The following RNF169 variants were observed in gnomAD, a reference collection of about 807,000 sequenced individuals.
RNF169 encodes E3 ubiquitin-protein ligase RNF169.
In RNF169, 24 loss-of-function variants were observed where a neutral mutation model predicts 53.9. The observed-to-expected ratio is 0.45, with a 90% CI of 0.32 to 0.63. The LOEUF (loss-of-function observed/expected upper bound fraction) is 0.63. Among genes scored for constraint, RNF169 ranks in the 20% least tolerant of loss-of-function variants. The pLI, the probability that RNF169 is intolerant of heterozygous loss-of-function variation, is 0.04. For missense variants in RNF169, 883 were observed against 906.2 expected, an observed-to-expected ratio of 0.97 and a Z score of 0.33; for synonymous variants, 396 against 363.5, an observed-to-expected ratio of 1.09 and a Z score of -1.02.
At chr11:74,817,793 A>G (rs2135127552) in intron 4 of RNF169, 79 bp downstream of exon 4, 1 of 889,360 alleles carries the variant, frequency 1.1e-6, no homozygotes, top group Non-Finnish European at 1.9e-6. Context: ...GAGCAAAGGT[A>G]TTTGTTGTGG....
At position 74,811,163 on chromosome 11, in the gene RNF169, A is replaced by G. The variant is rs906741387; in HGVS notation, c.723+833A>G. On this transcript the variant is annotated intron_variant, in intron 3 of 5. Coordinates refer to ENST00000299563, the MANE Select transcript of RNF169 (RefSeq NM_001098638.2). ...AAAAAAATCTCTGGATCAGCAGTCT[A>G]CCTCTTATACAGGTCCCAGCATTGT... Among the ~76,000 whole-genome samples, 11 of 152,034 alleles carry G rather than the reference A, an allele frequency of 7.2e-5. 1 individual carries two copies. Among genetic ancestry groups the G allele is most frequent in the Admixed American group, 5.9e-4 (9 of 15,254 alleles).
intron 1 of RNF169, among the ~76,000 whole-genome samples, chr11:74,783,261 TTAA>T (rs2035443877): frequency 6.6e-6 from 1 of 152,052 alleles, no homozygotes; most frequent in African/African-American, 2.4e-5. Flanking sequence ...TTTGCCTTTA[TTAA>T]TAAGCAATCA....
intron 1 of RNF169, among the ~76,000 whole-genome samples, chr11:74,750,167 C>T (rs1041824948): frequency 2.0e-5 from 3 of 152,182 alleles, no homozygotes; most frequent in African/African-American, 7.2e-5. Context: ...TTTCCCCTAA[C>T]ACCAGCAGCC....
At chr11:74,821,111 C>T (rs2036003858) in intron 4 of RNF169, among the ~76,000 whole-genome samples, 1 of 152,178 alleles carries the variant, frequency 6.6e-6, no homozygotes, top group South Asian at 2.1e-4. Context: ...TATCAGAACT[C>T]TGTGACAAAA....
chr11:74,770,368 A>G (rs1185458391), intron 1 of RNF169, among the ~76,000 whole-genome samples: 2 of 152,214 alleles, frequency 1.3e-5, no homozygotes, highest in African/African-American at 4.8e-5. Flanking sequence ...TATTTATCTC[A>G]TCTTGGTAGA....
At chr11:74,802,936 G>T (rs1031924109) in intron 2 of RNF169, among the ~76,000 whole-genome samples, 1 of 148,472 alleles carries the variant, frequency 6.7e-6, no homozygotes, top group Non-Finnish European at 1.5e-5. Context: ...TTGGGGGGGG[G>T]TGGGGACGGA....
chr11:74,816,098 C>G (rs472038), intron 3 of RNF169, among the ~76,000 whole-genome samples: 143,702 of 152,260 alleles, frequency 0.94, 67,898 homozygotes, highest in East Asian at 1. Context: ...CAGCTGTTAG[C>G]AAATATAGTC....
intron 1 of RNF169, among the ~76,000 whole-genome samples, chr11:74,753,070 G>A (rs2034926175): frequency 6.6e-6 from 1 of 152,196 alleles, no homozygotes; most frequent in Non-Finnish European, 1.5e-5. Flanking sequence ...ACCGGTTCAA[G>A]CGATTCTCCT....
chr11:74,803,424 T>C (rs560586300), intron 2 of RNF169, among the ~76,000 whole-genome samples: 1 of 152,290 alleles, frequency 6.6e-6, no homozygotes, highest in Admixed American at 6.5e-5. Flanking sequence ...GATAGAGATA[T>C]GAGATATGTT....
intron 1 of RNF169, among the ~76,000 whole-genome samples, chr11:74,772,704 G>T (rs1192244703): frequency 1.3e-5 from 2 of 152,086 alleles, no homozygotes; most frequent in African/African-American, 4.8e-5. Flanking sequence ...TTGTTGTAAG[G>T]TTTAAATAGG....
intron 1 of RNF169, among the ~76,000 whole-genome samples, chr11:74,778,130 C>T (rs561511998): frequency 1.3e-5 from 2 of 152,122 alleles, no homozygotes; most frequent in African/African-American, 4.8e-5. Context: ...CATCTGTCAT[C>T]GTCTCCCTAG....
intron 1 of RNF169, among the ~76,000 whole-genome samples, chr11:74,785,774 C>G (rs1052696974): frequency 3.9e-5 from 6 of 152,018 alleles, no homozygotes; most frequent in African/African-American, 1.4e-4. Context: ...CTGCACATCA[C>G]CTTTTGCAGT....
Position 74,838,850 on chromosome 11 carries a change from G to C in RNF169, c.*2120G>C, listed in dbSNP as rs1011906241. 2.0e-5 allele frequency: 3 copies of C among 152,038 alleles called. No homozygotes were observed. The highest frequency in any genetic ancestry group is 7.2e-5 in the African/African-American group (3 of 41,388). The allele number at this position is 152,038 out of a possible 1,614,324, so 9.4% of individuals were successfully genotyped here. On this transcript the variant is annotated 3_prime_UTR_variant, in exon 6 of 6. Coordinates refer to ENST00000299563, the MANE Select transcript of RNF169 (RefSeq NM_001098638.2). ...AACTTATCAGTTACTGCCATTTCAC[G>C]CATTTCCTTTTTGATCTTAGTAAAT...
At chr11:74,785,301 A>ATATATATATATAT (rs2035483777) in intron 1 of RNF169, among the ~76,000 whole-genome samples, 1 of 144,178 alleles carries the variant, frequency 6.9e-6, no homozygotes, top group Non-Finnish European at 1.5e-5. Flanking sequence ...TATATATTAG[A>ATATATATATATAT]GATATATATA....
At chr11:74,765,386 A>G (rs1231215606) in intron 1 of RNF169, among the ~76,000 whole-genome samples, 2 of 152,264 alleles carry the variant, frequency 1.3e-5, no homozygotes, top group Admixed American at 6.5e-5. Flanking sequence ...TGAAAGATAT[A>G]TAAGATATCT....
chr11:74,808,219 C>CG (rs1210000383), intron 2 of RNF169: 1 of 152,042 alleles, frequency 6.6e-6, no homozygotes, highest in Admixed American at 6.6e-5. Context: ...AAAAAATAAA[C>CG]TATTTGGAGG....
chr11:74,810,718 GT>G (rs1565182932), intron 3 of RNF169, among the ~76,000 whole-genome samples: 1 of 152,014 alleles, frequency 6.6e-6, no homozygotes, highest in East Asian at 1.9e-4. Context: ...TCCTTTATTT[GT>G]TGTAATACCC....
At chr11:74,795,065 CAA>C (rs2035628119) in intron 2 of RNF169, among the ~76,000 whole-genome samples, 1 of 151,736 alleles carries the variant, frequency 6.6e-6, no homozygotes, top group Non-Finnish European at 1.5e-5. Context: ...CTCTTCCTCC[CAA>C]AGTGTCAGGA....
At chr11:74,793,598 A>T (rs2035608566) in intron 2 of RNF169, among the ~76,000 whole-genome samples, 1 of 152,346 alleles carries the variant, frequency 6.6e-6, no homozygotes, top group South Asian at 2.1e-4. Flanking sequence ...GTAGAACAGT[A>T]CTGAACCAAG....
Sources: allele counts gnomAD v4.1 joint callset (sites outside exome capture counted in the v4.1 genomes callset), GRCh38; gene constraint gnomAD v4.1.1; transcripts MANE v1.5; gene names NCBI Gene and HGNC (gene_info 2026-07-23, HGNC 2026-07-21).